The following NEK11 variants were observed in gnomAD, a reference collection of about 807,000 sequenced individuals.
NEK11 encodes the protein serine/threonine-protein kinase Nek11.
In NEK11, 72 loss-of-function variants were observed where a neutral mutation model predicts 80.7. The ratio of observed to expected loss-of-function variants is 0.89; its 90% CI spans 0.74 to 1.08. The LOEUF (loss-of-function observed/expected upper bound fraction) is 1.08. Among genes scored for constraint, NEK11 ranks in the 50% least tolerant of loss-of-function variants. The probability of loss-of-function intolerance (pLI) is 0.00; values close to 1 mark genes in which losing one functional copy is unlikely to be tolerated. For synonymous variants in NEK11, 251 were observed against 260.7 expected, an observed-to-expected ratio of 0.96 and a Z score of 0.36; for missense variants, 764 against 763.6, an observed-to-expected ratio of 1.00 and a Z score of -0.01.
At chr3:131,206,305 A>G (rs1177501637) in intron 14 of NEK11, among the ~76,000 whole-genome samples, 1 of 152,242 alleles carries the variant, frequency 6.6e-6, no homozygotes, top group Non-Finnish European at 1.5e-5. Context: ...ATACTTAGAG[A>G]TAAAGAGCTT....
chr3:131,045,892 TA>T (rs1325053588), intron 3 of NEK11, among the ~76,000 whole-genome samples: 1 of 152,208 alleles, frequency 6.6e-6, no homozygotes, highest in African/African-American at 2.4e-5. Flanking sequence ...GCTGTTGTTT[TA>T]AAGTTTGTTT....
intron 16 of NEK11, among the ~76,000 whole-genome samples, chr3:131,264,380 A>G (rs1220306017): frequency 6.6e-6 from 1 of 152,138 alleles, no homozygotes; most frequent in African/African-American, 2.4e-5. Flanking sequence ...ATCTTGAATT[A>G]ATTTTTGTAT....
At chr3:131,300,148 A>C (rs773390207) in intron 17 of NEK11, among the ~76,000 whole-genome samples, 3 of 152,072 alleles carry the variant, frequency 2.0e-5, no homozygotes, top group Admixed American at 2.0e-4. Context: ...AGCATATTTC[A>C]TATGTTTGTT....
chr3:131,077,168 C>T (rs1413777218), intron 3 of NEK11, among the ~76,000 whole-genome samples: 1 of 152,150 alleles, frequency 6.6e-6, no homozygotes, highest in Non-Finnish European at 1.5e-5. Flanking sequence ...TTGCTACTGT[C>T]TTGAAATTTC....
intron 3 of NEK11, among the ~76,000 whole-genome samples, chr3:131,036,384 C>G (rs948199319): frequency 6.6e-6 from 1 of 152,202 alleles, no homozygotes; most frequent in Non-Finnish European, 1.5e-5. Context: ...GAGTCATACT[C>G]CAGTGAATTC....
At position 131,109,856 on chromosome 3, in the gene NEK11, T is replaced by C. The variant is rs55966717; in HGVS notation, c.390T>C (p.Phe130=). 10 of 1,606,802 alleles carry C rather than the reference T, an allele frequency of 6.2e-6. No homozygotes were observed. The East Asian group carries it at 1.8e-4, about 29-fold the overall frequency. ...IQEYKQAGKI[F]PENQIIEWFI... is the part of the protein sequence containing the mutation. ...AATATAAACAAGCTGGAAAAATCTT[T>C]CCAGAAAATCAAATAATAGAATGGT... Residue 130 remains phenylalanine (F), a synonymous_variant, in exon 5 of 18, where the codon TTT becomes TTC. Transcript: ENST00000383366.
At chr3:131,036,510 A>G (rs2065671513) in intron 3 of NEK11, among the ~76,000 whole-genome samples, 3 of 152,220 alleles carry the variant, frequency 2.0e-5, no homozygotes, top group South Asian at 4.1e-4. Flanking sequence ...AATCATAAAT[A>G]ATTTTAGCTG....
intron 17 of NEK11, among the ~76,000 whole-genome samples, chr3:131,289,501 T>C (rs1318128289): frequency 1.3e-5 from 2 of 152,236 alleles, no homozygotes; most frequent in East Asian, 3.8e-4. Flanking sequence ...TATGAGTGTT[T>C]GGAAGGCACT....
intron 17 of NEK11, among the ~76,000 whole-genome samples, chr3:131,290,770 C>T (rs187701890): frequency 6.6e-6 from 1 of 152,206 alleles, no homozygotes; most frequent in East Asian, 1.9e-4. Context: ...CAAGATCTTC[C>T]CTTTCTTTTT....
chr3:131,035,453 G>C (rs1388205910), intron 3 of NEK11, among the ~76,000 whole-genome samples: 1 of 152,184 alleles, frequency 6.6e-6, no homozygotes, highest in African/African-American at 2.4e-5. Flanking sequence ...AGAAATCTCA[G>C]ACGTCCAGCC....
At chr3:131,305,859 G>C (rs1025327966) in intron 17 of NEK11, among the ~76,000 whole-genome samples, 13 of 152,146 alleles carry the variant, frequency 8.5e-5, no homozygotes, top group Admixed American at 6.5e-5. Flanking sequence ...AAGCATCTGG[G>C]TCCTCCCTCT....
intron 14 of NEK11, among the ~76,000 whole-genome samples, chr3:131,186,755 C>A (rs115971558): frequency 6.6e-6 from 1 of 152,096 alleles, no homozygotes; most frequent in South Asian, 2.1e-4. Context: ...TTAGGCCAAA[C>A]TCAATAGATT....
intron 13 of NEK11, among the ~76,000 whole-genome samples, chr3:131,170,210 G>A (rs1189532846): frequency 6.6e-6 from 1 of 152,090 alleles, no homozygotes; most frequent in Non-Finnish European, 1.5e-5. Flanking sequence ...AGGGAAAAAG[G>A]CAAAATGATT....
chr3:131,340,310 G>T (rs1160527000), intron 17 of NEK11, among the ~76,000 whole-genome samples: 1 of 151,946 alleles, frequency 6.6e-6, no homozygotes, highest in Non-Finnish European at 1.5e-5. Flanking sequence ...TGTAAGTATG[G>T]GATTCAAAAT....
intron 17 of NEK11, among the ~76,000 whole-genome samples, chr3:131,288,450 CTTTTTTTTT>C (rs71133693): frequency 8.7e-6 from 1 of 115,396 alleles, no homozygotes; most frequent in African/African-American, 3.1e-5. Context: ...TTCTTTCTTT[CTTTTTTTTT>C]TTTTTTTTTT....
In NEK11 at chr3:131,214,619, G is replaced by T. The variant is rs746019808; in HGVS notation, c.1400-13909G>T. The stretch of plus-strand genomic sequence containing the variant: ...TCATCTTGACATATAGGATAAAAGT[G>T]CAGACTCTAGAGCTTGAGGGAGACC... On this transcript the variant is annotated intron_variant, in intron 14 of 17. Transcript: ENST00000383366. Among the ~76,000 whole-genome samples the T allele has an allele frequency of 7.2e-5, 11 of 152,050 alleles. No homozygotes were observed. In the South Asian group the frequency reaches 1.2e-3, roughly 17 times the overall value.
At chr3:131,199,974 C>T (rs2094166107) in intron 14 of NEK11, among the ~76,000 whole-genome samples, 1 of 151,978 alleles carries the variant, frequency 6.6e-6, no homozygotes, top group African/African-American at 2.4e-5. Flanking sequence ...GAAAATTTTC[C>T]AGAATTGATG....
At chr3:131,329,201 GA>G (rs2097028796) in intron 17 of NEK11, 1 of 152,124 alleles carries the variant, frequency 6.6e-6, no homozygotes, top group African/African-American at 2.4e-5. Flanking sequence ...AAGAAATACT[GA>G]AAACTGTACT....
At chr3:131,038,084 C>A (rs553485710) in intron 3 of NEK11, among the ~76,000 whole-genome samples, 1 of 151,658 alleles carries the variant, frequency 6.6e-6, no homozygotes, top group South Asian at 2.1e-4. Context: ...AAAAAAAAAT[C>A]TTCCTGCTTA....
Sources: gnomAD v4.1 joint callset for allele counts (sites outside exome capture counted in the v4.1 genomes callset) on GRCh38, gnomAD v4.1.1 for gene constraint, MANE v1.5 for transcripts, NCBI Gene and HGNC (gene_info 2026-07-23, HGNC 2026-07-21) for gene names.